Variants in ATG10 observed in about 807,000 individuals in gnomAD.
ATG10 encodes the protein ubiquitin-like-conjugating enzyme ATG10.
ATG10 carries 30 observed loss-of-function variants against 32.1 expected under a neutral mutation model. The observed-to-expected ratio is 0.94, with a 90% CI of 0.70 to 1.27. The LOEUF (loss-of-function observed/expected upper bound fraction) is 1.27, where lower values mean the gene tolerates loss of function less well. Among genes scored for constraint, ATG10 ranks in the 50% most tolerant of loss-of-function variants. The pLI is 0.00. For missense variants in ATG10, 233 were observed against 262.3 expected (o/e 0.89, Z 0.77); for synonymous variants, 87 against 91.5 (o/e 0.95, Z 0.28).
At chr5:82,093,213 CTCT>C (rs1307838273) in intron 3 of ATG10, among the ~76,000 whole-genome samples, 1 of 152,150 alleles carries the variant, frequency 6.6e-6, no homozygotes, top group African/African-American at 2.4e-5. Context: ...CTCCCCATTT[CTCT>C]TCTTTGGGGA....
At chr5:82,019,247 T>C (rs1448877565) in intron 2 of ATG10, among the ~76,000 whole-genome samples, 3 of 152,200 alleles carry the variant, frequency 2.0e-5, no homozygotes, top group African/African-American at 7.2e-5. Context: ...AAAAAGTTAA[T>C]AAATATAATT....
chr5:82,248,927 CAGTAT>C (rs1200503618), intron 5 of ATG10, among the ~76,000 whole-genome samples: 3 of 151,626 alleles, frequency 2.0e-5, no homozygotes, highest in Admixed American at 2.0e-4. Context: ...TATAAGGTCT[CAGTAT>C]AGTAAAGGAT....
intron 5 of ATG10, among the ~76,000 whole-genome samples, chr5:82,238,830 G>A (rs1746673792): frequency 6.6e-6 from 1 of 152,098 alleles, no homozygotes; most frequent in Non-Finnish European, 1.5e-5. Flanking sequence ...TAGTATTTGA[G>A]TCCGCTTCTT....
At chr5:82,211,197 G>A (rs937579530) in intron 5 of ATG10, among the ~76,000 whole-genome samples, 1 of 152,154 alleles carries the variant, frequency 6.6e-6, no homozygotes, top group Non-Finnish European at 1.5e-5. Context: ...AAAATCTTAT[G>A]TCCAAAGGGA....
intron 3 of ATG10, among the ~76,000 whole-genome samples, chr5:82,100,772 GTTTT>G (rs61096885): frequency 0.17 from 19,653 of 113,966 alleles, 1,440 homozygotes; most frequent in South Asian, 0.32. Flanking sequence ...ACAAGAACTA[GTTTT>G]TTTTTTTTTT....
chr5:82,047,780 T>C (rs1354768297), intron 2 of ATG10, among the ~76,000 whole-genome samples: 1 of 152,192 alleles, frequency 6.6e-6, no homozygotes, highest in Non-Finnish European at 1.5e-5. Context: ...GTTCGAGAGC[T>C]TCCAGGAAAA....
intron 2 of ATG10, among the ~76,000 whole-genome samples, chr5:82,030,470 A>G (rs938800270): frequency 3.3e-5 from 5 of 152,194 alleles, no homozygotes; most frequent in African/African-American, 1.2e-4. Flanking sequence ...GAACAATAAC[A>G]TTCTTACTTG....
chr5:82,198,841 G>GT, intron 5 of ATG10, among the ~76,000 whole-genome samples: 1 of 152,188 alleles, frequency 6.6e-6, no homozygotes, highest in East Asian at 1.9e-4. Flanking sequence ...TTTTGTCAGT[G>GT]AAGTATTACC....
chr5:82,023,788 T>C (rs1046036110), intron 2 of ATG10, among the ~76,000 whole-genome samples: 1 of 152,194 alleles, frequency 6.6e-6, no homozygotes, highest in Non-Finnish European at 1.5e-5. Flanking sequence ...TTTTTGCTAC[T>C]TTTCAGCATG....
At chr5:82,113,409 G>A (rs1765676922) in intron 3 of ATG10, among the ~76,000 whole-genome samples, 1 of 151,866 alleles carries the variant, frequency 6.6e-6, no homozygotes, top group Non-Finnish European at 1.5e-5. Context: ...TAGAGATAAA[G>A]TATTATTATA....
chr5:82,174,800 C>T (rs1001079861), intron 4 of ATG10, among the ~76,000 whole-genome samples: 9 of 152,168 alleles, frequency 5.9e-5, no homozygotes, highest in African/African-American at 2.2e-4. Flanking sequence ...GTAGTCCCAC[C>T]AGGCCTAGCA....
intron 4 of ATG10, among the ~76,000 whole-genome samples, chr5:82,169,857 G>A (rs914305101): frequency 1.3e-5 from 2 of 152,202 alleles, no homozygotes; most frequent in African/African-American, 4.8e-5. Flanking sequence ...CCAAATAACA[G>A]AGGAAATCTA....
intron 2 of ATG10, among the ~76,000 whole-genome samples, chr5:82,057,738 A>G (rs1330239454): frequency 6.6e-6 from 1 of 152,134 alleles, no homozygotes; most frequent in Non-Finnish European, 1.5e-5. Context: ...TTAGATGAAC[A>G]TCATTCATTA....
chr5:82,138,628 G>C (rs940222581), intron 3 of ATG10, among the ~76,000 whole-genome samples: 1 of 152,092 alleles, frequency 6.6e-6, no homozygotes, highest in Non-Finnish European at 1.5e-5. Flanking sequence ...CTATTGCGTT[G>C]GTCTTGCTGG....
At chr5:82,109,886 G>A (rs2149813034) in intron 3 of ATG10, among the ~76,000 whole-genome samples, 1 of 151,888 alleles carries the variant, frequency 6.6e-6, no homozygotes, top group Admixed American at 6.6e-5. Flanking sequence ...CATGTGCCAT[G>A]TTGGTGTGCT....
chr5:82,150,372 C>T (rs893658214), intron 3 of ATG10, among the ~76,000 whole-genome samples: 2 of 152,002 alleles, frequency 1.3e-5, no homozygotes, highest in Non-Finnish European at 2.9e-5. Flanking sequence ...TTTAATAGCA[C>T]TTTAATAAAA....
chr5:82,073,130 A>G (rs1032687760), intron 3 of ATG10: 5 of 152,174 alleles, frequency 3.3e-5, no homozygotes, highest in East Asian at 1.9e-4. Context: ...ATGACTTTCA[A>G]ACTTTTTAAA....
At chr5:82,083,033 A>G (rs187735999) in intron 3 of ATG10, among the ~76,000 whole-genome samples, 291 of 152,358 alleles carry the variant, frequency 1.9e-3, no homozygotes, top group Non-Finnish European at 2.9e-3. Context: ...AGGGCGAGGC[A>G]TCGCCTCACC....
At chr5:82,047,280 C>T (rs1000990647) in intron 2 of ATG10, among the ~76,000 whole-genome samples, 1 of 151,798 alleles carries the variant, frequency 6.6e-6, no homozygotes, top group Non-Finnish European at 1.5e-5. Context: ...CGTCTATGAA[C>T]TGAAAATTGA....
Sources: allele counts gnomAD v4.1 joint callset (sites outside exome capture counted in the v4.1 genomes callset), GRCh38; gene constraint gnomAD v4.1.1; transcripts MANE v1.5; gene names NCBI Gene and HGNC (gene_info 2026-07-23, HGNC 2026-07-21).